Variants in PPP6R2 observed in about 807,000 individuals in gnomAD.
PPP6R2 encodes the protein protein phosphatase 6 regulatory subunit 2.
In PPP6R2, 62 loss-of-function variants were observed where a neutral mutation model predicts 100.2. That is an observed-to-expected ratio of 0.62 (90% CI 0.50 to 0.76). The LOEUF is 0.76. Ranked by LOEUF, PPP6R2 falls within the 30% of genes least tolerant of loss-of-function variation. The pLI, the probability that PPP6R2 is intolerant of heterozygous loss-of-function variation, is 0.00. For missense variants in PPP6R2, 1,142 were observed against 1,276.3 expected (o/e 0.89, Z 1.60); for synonymous variants, 525 against 514.7 (o/e 1.02, Z -0.27).
intron 3 of PPP6R2, among the ~76,000 whole-genome samples, chr22:50,405,892 G>A (rs1603262057): frequency 1.4e-5 from 2 of 139,482 alleles, no homozygotes; most frequent in Admixed American, 7.0e-5. Context: ...GGAGAGAGGT[G>A]AGAGGCCTGG....
At chr22:50,384,372 A>G (rs934030001) in intron 2 of PPP6R2, among the ~76,000 whole-genome samples, 34 of 152,052 alleles carry the variant, frequency 2.2e-4, no homozygotes, top group Admixed American at 6.6e-5. Flanking sequence ...TGGCTAACAC[A>G]GTGAAACCCC....
At chr22:50,418,300 G>A (rs2147649266) in intron 6 of PPP6R2, among the ~76,000 whole-genome samples, 1 of 151,952 alleles carries the variant, frequency 6.6e-6, no homozygotes, top group East Asian at 1.9e-4. Context: ...TTTGACGACA[G>A]AAAAGGCAGA....
chr22:50,437,081 CCGGCACCTG>C lies in PPP6R2; in HGVS notation c.1683+15_1683+23del, dbSNP rs2064473330. 1 of 1,553,158 alleles carries C rather than the reference CCGGCACCTG, an allele frequency of 6.4e-7. No individual in the cohort carries two copies. Among genetic ancestry groups the C allele is most frequent in the Admixed American group, 1.9e-5 (1 of 51,668 alleles). ...GTCCCTTCAGCAGGTGAGGGCGTGG[CCGGCACCTG>C]CACCCTGCCGGGCCCTTCCCGGCAC... On this transcript the variant is annotated intron_variant, in intron 15 of 23. Transcript: ENST00000612753.
chr22:50,337,605 GGT>G, the PPP6R2 span, among the ~76,000 whole-genome samples: 1 of 90,182 alleles, frequency 1.1e-5, no homozygotes, highest in Non-Finnish European at 1.9e-5. Flanking sequence ...GTGTGTTGGG[GGT>G]GTGTGTGCTG....
At chr22:50,360,180 G>A (rs1569286331) in intron 1 of PPP6R2, among the ~76,000 whole-genome samples, 4 of 151,766 alleles carry the variant, frequency 2.6e-5, no homozygotes, top group Admixed American at 1.3e-4. Context: ...AGCCTCCCAA[G>A]TAGCTGGGAC....
upstream of PPP6R2, among the ~76,000 whole-genome samples, chr22:50,342,115 C>G (rs2042469605): frequency 6.6e-6 from 1 of 152,222 alleles, no homozygotes; most frequent in African/African-American, 2.4e-5. Flanking sequence ...TCTCCTGCAT[C>G]TGGTGCCCCT....
rs757377507 is a variant in PPP6R2, at chr22:50,423,588, C to T, written c.1099C>T (p.Arg367Trp). The T allele has an allele frequency of 8.1e-6, 13 of 1,614,038 alleles. No homozygotes were observed. Among genetic ancestry groups the T allele is most frequent in the Non-Finnish European group, 1.1e-5 (13 of 1,180,048 alleles). The stretch of plus-strand genomic sequence containing the variant: ...ACCCAGCATCAACCAGGAGCTCTGC[C>T]GGCTCAACACGATGGACTTACTGCT... ...NTPSINQELCRLNTMDLLLDL... is the reference protein window; with the variant it reads ...NTPSINQELCWLNTMDLLLDL... Residue 367 changes from arginine (R) to tryptophan (W), a missense_variant, in exon 10 of 24, where the codon CGG (arginine) becomes TGG (tryptophan). Physicochemically the swap from Arg to Trp is moderately radical, Grantham distance 101 (BLOSUM62 -3). Transcript: ENST00000612753. This position sits in a 1 kb window ranked among gnomAD's most constrained non-coding sequence, Gnocchi z 4.8.
intron 2 of PPP6R2, among the ~76,000 whole-genome samples, chr22:50,390,271 C>T (rs915271072): frequency 2.0e-5 from 3 of 152,044 alleles, no homozygotes; most frequent in Admixed American, 6.6e-5. Flanking sequence ...AGATTACAGG[C>T]GGGAGCCACC....
chr22:50,411,580 C>A (rs554235180), intron 4 of PPP6R2, among the ~76,000 whole-genome samples: 2 of 151,946 alleles, frequency 1.3e-5, no homozygotes, highest in South Asian at 4.2e-4. Context: ...ATGGTGAAAC[C>A]CTGTCTCTAC....
chr22:50,371,114 TA>T (rs1602504503), intron 1 of PPP6R2, among the ~76,000 whole-genome samples: 1 of 152,174 alleles, frequency 6.6e-6, no homozygotes, highest in East Asian at 1.9e-4. Context: ...CAACGCCAAT[TA>T]AACATAATAC....
At chr22:50,336,796 T>C in the PPP6R2 span, among the ~76,000 whole-genome samples, 2 of 151,188 alleles carry the variant, frequency 1.3e-5, no homozygotes, top group Non-Finnish European at 2.9e-5. Flanking sequence ...AGCCCCGACC[T>C]CCAGGGCTCA....
intron 3 of PPP6R2, among the ~76,000 whole-genome samples, chr22:50,404,420 T>C (rs988695642): frequency 1.2e-4 from 18 of 151,348 alleles, no homozygotes; most frequent in Admixed American, 9.9e-4. Context: ...AGTCAGAGTC[T>C]TACTCTGCCA....
rs1646327976 is a variant in PPP6R2 at position 50,432,249 on chromosome 22, CT to C, written c.1336-15del. The C allele has an allele frequency of 6.5e-7, 1 of 1,549,326 alleles. No individual in the cohort carries two copies. The highest frequency in any genetic ancestry group is 8.7e-7 in the Non-Finnish European group (1 of 1,146,516). On this transcript the variant is annotated splice_polypyrimidine_tract_variant and intron_variant, in intron 11 of 23. Transcript: ENST00000612753. ...TCAGACCCTGACTCACGCTGTCCCC[CT>C]GCCCCGCCCCCCAGCTGTTCCAGAA...
chr22:50,368,280 G>A (rs898626914), intron 1 of PPP6R2, among the ~76,000 whole-genome samples: 1 of 152,094 alleles, frequency 6.6e-6, no homozygotes. Flanking sequence ...GTCTTCTGTC[G>A]CTCGCCCAGG....
At chr22:50,424,914 A>G in intron 10 of PPP6R2, among the ~76,000 whole-genome samples, 1 of 152,158 alleles carries the variant, frequency 6.6e-6, no homozygotes, top group Non-Finnish European at 1.5e-5. Flanking sequence ...TGCTGGGATT[A>G]CAGGCTTGAG....
chr22:50,331,165 G>A, the PPP6R2 span, among the ~76,000 whole-genome samples: 1 of 152,034 alleles, frequency 6.6e-6, no homozygotes, highest in Non-Finnish European at 1.5e-5. Context: ...CATTCCTTTC[G>A]TGAATAGTAT....
At chr22:50,340,095 A>AGT (rs2042355372), upstream of PPP6R2, among the ~76,000 whole-genome samples, 1 of 72,660 alleles carries the variant, frequency 1.4e-5, no homozygotes, top group African/African-American at 5.6e-5. Flanking sequence ...TGTGGTATGT[A>AGT]GTATGTGTGG....
At chr22:50,339,443 T>A (rs1254934876), upstream of PPP6R2, among the ~76,000 whole-genome samples, 1 of 116,936 alleles carries the variant, frequency 8.6e-6, no homozygotes, top group Non-Finnish European at 1.8e-5. Context: ...TTACGGTGTG[T>A]GTTGTGTGTG....
chr22:50,370,496 C>T (rs539892431), intron 1 of PPP6R2, among the ~76,000 whole-genome samples: 86 of 151,844 alleles, frequency 5.7e-4, no homozygotes, highest in South Asian at 1.5e-3. Context: ...ACTATGTTGG[C>T]CAGACTGGTC....
Sources: gnomAD v4.1 joint callset for allele counts (sites outside exome capture counted in the v4.1 genomes callset) on GRCh38, gnomAD v4.1.1 for gene constraint, Gnocchi (gnomAD v3.1) non-coding constraint, MANE v1.5 for transcripts, NCBI Gene and HGNC (gene_info 2026-07-23, HGNC 2026-07-21) for gene names.